Variants in TIMM23 observed in about 807,000 individuals in gnomAD.
The protein encoded by TIMM23 is translocase of inner mitochondrial membrane 23, also known as mitochondrial import inner membrane translocase subunit Tim23.
Under a neutral mutation model 30.7 loss-of-function variants are expected in TIMM23, and 19 were observed. The ratio of observed to expected loss-of-function variants is 0.62; its 90% confidence interval spans 0.43 to 0.91. The LOEUF (loss-of-function observed/expected upper bound fraction) is 0.91. Ranked by LOEUF, TIMM23 falls within the 40% of genes least tolerant of loss-of-function variation. The pLI is 0.00. For missense variants in TIMM23, 202 were observed against 269.2 expected (o/e 0.75, Z 1.75); for synonymous variants, 78 against 98.5 (o/e 0.79, Z 1.23).
At chr10:45,980,946 T>G (rs1343334175) in intron 2 of TIMM23, among the ~76,000 whole-genome samples, 8 of 147,148 alleles carry the variant, frequency 5.4e-5, no homozygotes, top group African/African-American at 1.7e-4. Context: ...TTTCTTTTCT[T>G]TTTTTTTTTT....
chr10:46,002,678 G>A (rs1838580354), intron 6 of TIMM23, among the ~76,000 whole-genome samples: 3 of 151,886 alleles, frequency 2.0e-5, no homozygotes, highest in African/African-American at 7.3e-5. Flanking sequence ...TTGGAAAGTA[G>A]GGGGAAAAAA....
At chr10:46,002,080 T>C (rs1554917762) in intron 6 of TIMM23, among the ~76,000 whole-genome samples, 1 of 152,224 alleles carries the variant, frequency 6.6e-6, no homozygotes, top group Non-Finnish European at 1.5e-5. Context: ...AGCATGATGC[T>C]AGGTGTCACT....
At chr10:45,986,500 G>A (rs1837994359) in intron 5 of TIMM23, among the ~76,000 whole-genome samples, 3 of 151,256 alleles carry the variant, frequency 2.0e-5, no homozygotes. Flanking sequence ...CAAGAAGGGT[G>A]TTCTGCTCGT....
intron 6 of TIMM23, among the ~76,000 whole-genome samples, chr10:46,000,764 T>C (rs937139055): frequency 6.6e-6 from 1 of 152,206 alleles, no homozygotes; most frequent in African/African-American, 2.4e-5. Context: ...GATTATTGAC[T>C]TATAGGTTCA....
chr10:45,994,419 C>G (rs2132275492), intron 6 of TIMM23, among the ~76,000 whole-genome samples: 1 of 139,258 alleles, frequency 7.2e-6, no homozygotes, highest in Admixed American at 7.5e-5. Flanking sequence ...CCCTCATGAT[C>G]TTTCTATTAA....
At chr10:46,001,208 A>T (rs1838523405) in intron 6 of TIMM23, among the ~76,000 whole-genome samples, 1 of 152,190 alleles carries the variant, frequency 6.6e-6, no homozygotes, top group African/African-American at 2.4e-5. Flanking sequence ...TTTTTCAACC[A>T]CATTGAATAC....
At chr10:45,990,557 A>G (rs1838136043) in intron 6 of TIMM23, 7 of 309,216 alleles carry the variant, frequency 2.3e-5, no homozygotes, top group Non-Finnish European at 4.4e-5. Flanking sequence ...AGCTGGGACT[A>G]CAGGCACACG....
At chr10:45,988,177 A>T (rs1362668020) in intron 5 of TIMM23, among the ~76,000 whole-genome samples, 6 of 152,324 alleles carry the variant, frequency 3.9e-5, no homozygotes, top group Admixed American at 2.0e-4. Flanking sequence ...GGACAACCTT[A>T]TAGAACTGTG....
In TIMM23 at chr10:46,003,186, TTG is replaced by T. The variant is rs1564913758; in HGVS notation, c.515-15_515-14del. ...AATATACAGCTATTTCATTTTCCTT[TTG>T]TCTCTGTTTCCCAGGTGGTCTTCGA... On this transcript the variant is annotated splice_polypyrimidine_tract_variant and intron_variant, in intron 6 of 6. Transcript: ENST00000580018. The T allele has an allele frequency of 6.3e-7, 1 of 1,595,988 alleles. No individual in the cohort carries two copies. Among genetic ancestry groups the T allele is most frequent in the South Asian group, 1.1e-5 (1 of 90,660 alleles).
intron 6 of TIMM23, chr10:45,992,363 G>C (rs1838190792): frequency 2.2e-6 from 1 of 454,074 alleles, no homozygotes; most frequent in Non-Finnish European, 4.4e-6. Flanking sequence ...CTGTGGGTGG[G>C]AGGAATTGTC....
intron 6 of TIMM23, among the ~76,000 whole-genome samples, chr10:45,990,263 G>A (rs79530350): frequency 6.7e-6 from 1 of 150,298 alleles, no homozygotes; most frequent in Non-Finnish European, 1.5e-5. Flanking sequence ...GCTGGGACTG[G>A]AGGCACATAC....
At chr10:45,999,223 C>T (rs1478279567) in intron 6 of TIMM23, among the ~76,000 whole-genome samples, 1 of 152,110 alleles carries the variant, frequency 6.6e-6, no homozygotes. Flanking sequence ...TCACTGCAAC[C>T]TCCACCTCCT....
intron 2 of TIMM23, among the ~76,000 whole-genome samples, chr10:45,978,999 T>G (rs1554913568): frequency 1.3e-5 from 2 of 152,238 alleles, no homozygotes; most frequent in Non-Finnish European, 2.9e-5. Flanking sequence ...AATGAACCTT[T>G]AAAACTTCCT....
chr10:45,991,985 G>C (rs1394346350), intron 6 of TIMM23, among the ~76,000 whole-genome samples: 1 of 139,532 alleles, frequency 7.2e-6, no homozygotes, highest in African/African-American at 2.7e-5. Context: ...TTTTTTTTTT[G>C]AGTTGGGGTC....
chr10:45,980,463 T>C (rs1837808497), intron 2 of TIMM23, among the ~76,000 whole-genome samples: 2 of 151,996 alleles, frequency 1.3e-5, no homozygotes, highest in South Asian at 4.1e-4. Flanking sequence ...ACTACTCTTG[T>C]ATCCTTATTG....
At chr10:46,003,029 G>C (rs1306849078) in intron 6 of TIMM23, among the ~76,000 whole-genome samples, 174 bp from the exon 7 acceptor site, 3 of 152,018 alleles carry the variant, frequency 2.0e-5, no homozygotes, top group Non-Finnish European at 4.4e-5. Context: ...ATGTTGGCCA[G>C]GCTGGTTGAA....
At chr10:45,990,635 C>G (rs1347807607) in intron 6 of TIMM23, 14 of 410,706 alleles carry the variant, frequency 3.4e-5, no homozygotes, top group Non-Finnish European at 4.7e-6. Flanking sequence ...GTTGCCCAAG[C>G]TGGTCTTGAA....
At chr10:45,992,946 CT>C (rs1455900429) in intron 6 of TIMM23, among the ~76,000 whole-genome samples, 9 of 152,126 alleles carry the variant, frequency 5.9e-5, no homozygotes, top group African/African-American at 2.2e-4. Context: ...TTCCCATTGT[CT>C]TTTAACTCCC....
intron 2 of TIMM23, among the ~76,000 whole-genome samples, chr10:45,977,666 A>C (rs1837714114): frequency 6.6e-6 from 1 of 152,254 alleles, no homozygotes; most frequent in African/African-American, 2.4e-5. Context: ...CACCAAAAGC[A>C]CAAGTGGTAA....
Sources: gnomAD v4.1 joint callset for allele counts (sites outside exome capture counted in the v4.1 genomes callset) on GRCh38, gnomAD v4.1.1 for gene constraint, MANE v1.5 for transcripts, NCBI Gene and HGNC (gene_info 2026-07-23, HGNC 2026-07-21) for gene names.